Variants in KIF13A observed in about 807,000 individuals in gnomAD.
The protein encoded by KIF13A is kinesin family member 13A.
KIF13A carries 79 observed loss-of-function variants against 212.2 expected under a neutral mutation model. The ratio of observed to expected loss-of-function variants is 0.37; its 90% CI spans 0.31 to 0.45. The LOEUF (loss-of-function observed/expected upper bound fraction) is 0.45. Ranked by LOEUF, KIF13A falls within the 20% of genes least tolerant of loss-of-function variation. The pLI, the probability that KIF13A is intolerant of heterozygous loss-of-function variation, is 1.00. For missense variants in KIF13A, 1,901 were observed against 2,209.0 expected, an observed-to-expected ratio of 0.86 and a Z score of 2.79; for synonymous variants, 789 against 808.6, an observed-to-expected ratio of 0.98 and a Z score of 0.41.
rs374169032 is a variant in KIF13A at position 17,856,018 on chromosome 6, G to T, written c.313+12C>A. ...GATCCCCCACATCTGGTCTATAAAA[G>T]CAACTTCTTACCTGTCTGTCCATAT... On this transcript the variant is annotated intron_variant, in intron 5 of 38. Transcript: ENST00000259711. The surrounding 1 kb of genome is among the most constrained non-coding windows in gnomAD (Gnocchi z 4.5). The T allele has an allele frequency of 1.3e-6, 2 of 1,587,716 alleles. No individual in the cohort carries two copies. The highest frequency in any genetic ancestry group is 8.6e-7 in the Non-Finnish European group (1 of 1,157,340).
At chr6:17,859,634 ATATAT>A (rs201488921) in intron 4 of KIF13A, among the ~76,000 whole-genome samples, 67 of 103,672 alleles carry the variant, frequency 6.5e-4, no homozygotes, top group African/African-American at 2.7e-3. Flanking sequence ...ATATATATAT[ATATAT>A]TTTTTTTTTT....
Position 17,855,934 on chromosome 6 carries a change from C to T in KIF13A, c.313+96G>A. On this transcript the variant is annotated intron_variant, in intron 5 of 38. Transcript: ENST00000259711. The surrounding 1 kb of genome is among the most constrained non-coding windows in gnomAD (Gnocchi z 4.1). ...CTATGTTGCCCAGGCTGGTCTCAAA[C>T]TCCTGGGCTCAGGAGATCCTCCCAC... is the stretch of plus-strand genomic sequence containing the variant. 1 of 853,110 alleles carries T rather than the reference C, an allele frequency of 1.2e-6. No individual in the cohort carries two copies. The highest frequency in any genetic ancestry group is 1.9e-6 in the Non-Finnish European group (1 of 527,834). The allele number at this position is 853,110 out of a possible 1,614,324, so 52.8% of individuals were successfully genotyped here. A position where few individuals can be genotyped will look rare whatever the true frequency, so the allele number is the denominator to read the frequency against.
At chr6:17,869,038 T>C (rs1258967331) in intron 4 of KIF13A, among the ~76,000 whole-genome samples, 3 of 86,614 alleles carry the variant, frequency 3.5e-5, no homozygotes, top group Non-Finnish European at 7.7e-5. Context: ...AAATAAAATG[T>C]AAAATACCTC....
In KIF13A at chr6:17,967,331, T is replaced by A. The variant is rs1321849633; in HGVS notation, c.146+19723A>T. On this transcript the variant is annotated intron_variant, in intron 2 of 38. Coordinates refer to ENST00000259711, the MANE Select transcript of KIF13A (RefSeq NM_022113.6). This position sits in a 1 kb window ranked among gnomAD's most constrained non-coding sequence, Gnocchi z 4.1. The stretch of plus-strand genomic sequence containing the variant: ...CCAAGCACAGAAAAAGGAAAATGCA[T>A]CACAATGTTAAAAGAATGAGTAAAC... Among the ~76,000 whole-genome samples, 1 of 152,198 alleles carries A rather than the reference T, an allele frequency of 6.6e-6. No individual in the cohort carries two copies. Among genetic ancestry groups the A allele is most frequent in the East Asian group, 1.9e-4 (1 of 5,198 alleles).
At chr6:17,953,450 C>T (rs1778055074) in intron 2 of KIF13A, 1 of 152,096 alleles carries the variant, frequency 6.6e-6, no homozygotes, top group East Asian at 1.9e-4. Flanking sequence ...TCTTTAAAGC[C>T]CCAGATGTCA....
chr6:17,883,480 T>C lies in KIF13A; in HGVS notation c.160-10043A>G, dbSNP rs1264098079. 1.3e-5 allele frequency among the ~76,000 whole-genome samples: 2 copies of C among 152,200 alleles called. No homozygotes were observed. The highest frequency in any genetic ancestry group is 2.9e-5 in the Non-Finnish European group (2 of 68,034). The stretch of plus-strand genomic sequence containing the variant: ...AGCACAGATCAGTCAGTGTAAATCC[T>C]TCAGTGGCACAGCCAGGATAGCAGC... On this transcript the variant is annotated intron_variant, in intron 3 of 38. Transcript: ENST00000259711. This position sits in a 1 kb window ranked among gnomAD's most constrained non-coding sequence, Gnocchi z 4.8.
intron 17 of KIF13A, chr6:17,812,555 C>G (rs1194048149): frequency 1.4e-4 from 22 of 152,120 alleles, no homozygotes; most frequent in Admixed American, 1.4e-3. Context: ...TGTACATGTA[C>G]CACGTTTTCT....
At chr6:17,924,557 A>G (rs1189468460) in intron 2 of KIF13A, among the ~76,000 whole-genome samples, 2 of 152,240 alleles carry the variant, frequency 1.3e-5, no homozygotes, top group African/African-American at 2.4e-5. Flanking sequence ...AAATGTCTAT[A>G]AGCAAAAAAC....
chr6:17,803,306 T>C (rs1762636999), intron 20 of KIF13A, among the ~76,000 whole-genome samples: 1 of 152,070 alleles, frequency 6.6e-6, no homozygotes, highest in South Asian at 2.1e-4. Context: ...GGTTTCAGAC[T>C]CCTAACTGTG....
chr6:17,759,356 TTTTC>T (rs1758489728), downstream of KIF13A: 1 of 152,270 alleles, frequency 6.6e-6, no homozygotes, highest in South Asian at 2.1e-4. Flanking sequence ...AAATTACAGT[TTTTC>T]TTTTTTTAAC....
At chr6:17,762,780 G>A (rs776754080), downstream of KIF13A, among the ~76,000 whole-genome samples, 17 of 152,112 alleles carry the variant, frequency 1.1e-4, no homozygotes, top group Admixed American at 3.9e-4. Flanking sequence ...TTCTTATGTC[G>A]GGGAAGGAAG....
Position 17,800,182 on chromosome 6 carries a change from C to G in KIF13A, c.2455-69G>C, listed in dbSNP as rs926606800. On this transcript the variant is annotated intron_variant, in intron 20 of 38. Coordinates refer to ENST00000259711, the MANE Select transcript of KIF13A (RefSeq NM_022113.6). ...GTGGGCAACCTCGACCCAAGACAGA[C>G]GTGCCTTCTACAGTGAACCTGGAGA... 4.7e-6 allele frequency: 7 copies of G among 1,474,064 alleles called. 1 individual carries two copies. The South Asian group carries it at 8.9e-5, about 19-fold the overall frequency. 91.3% of individuals were successfully genotyped at this position (1,474,064 alleles called of 1,614,324 possible).
intron 20 of KIF13A, among the ~76,000 whole-genome samples, chr6:17,801,433 C>T (rs1396633227): frequency 6.6e-6 from 1 of 152,082 alleles, no homozygotes; most frequent in Non-Finnish European, 1.5e-5. Flanking sequence ...ACCCGCGAGG[C>T]GGAGGTTGCA....
chr6:17,987,476 C>G lies in KIF13A; in HGVS notation c.-13G>C. On this transcript the variant is annotated 5_prime_UTR_variant, in exon 1 of 39. Transcript: ENST00000259711. The surrounding 1 kb of genome is among the most constrained non-coding windows in gnomAD (Gnocchi z 7.7). The stretch of plus-strand genomic sequence containing the variant: ...TGGTATCCGACATGTTGGCTGCGCT[C>G]GCCCGGCCGCTCGCCGCGCCCGCTC... 1 of 1,257,024 alleles carries G rather than the reference C, an allele frequency of 8.0e-7. No individual in the cohort carries two copies. Among genetic ancestry groups the G allele is most frequent in the Non-Finnish European group, 1.0e-6 (1 of 961,100 alleles). The allele number at this position is 1,257,024 out of a possible 1,614,324, so 77.9% of individuals were successfully genotyped here.
In KIF13A at chr6:17,843,813, G is replaced by A. The variant is rs1368804905; in HGVS notation, c.830+5564C>T. Reference sequence around the variant, plus strand: ...GTAATCCACCACTTTTGGAGGCCGAGGGGGGCACATCACCTGAGGTCAGGA... The same window carrying A: ...GTAATCCACCACTTTTGGAGGCCGAAGGGGGCACATCACCTGAGGTCAGGA... On this transcript the variant is annotated intron_variant, in intron 9 of 38. Coordinates refer to ENST00000259711, the MANE Select transcript of KIF13A (RefSeq NM_022113.6). The surrounding 1 kb of genome is among the most constrained non-coding windows in gnomAD (Gnocchi z 5.3). Among the ~76,000 whole-genome samples the A allele has an allele frequency of 6.6e-6, 1 of 152,158 alleles. No individual in the cohort carries two copies. The highest frequency in any genetic ancestry group is 1.5e-5 in the Non-Finnish European group (1 of 68,030).
chr6:17,849,876 T>C lies in KIF13A; in HGVS notation c.718-387A>G, dbSNP rs939836031. Among the ~76,000 whole-genome samples the C allele has an allele frequency of 5.3e-5, 8 of 152,240 alleles. No individual in the cohort carries two copies. Among genetic ancestry groups the C allele is most frequent in the Non-Finnish European group, 7.3e-5 (5 of 68,038 alleles). On this transcript the variant is annotated intron_variant, in intron 8 of 38. Transcript: ENST00000259711. This position sits in a 1 kb window ranked among gnomAD's most constrained non-coding sequence, Gnocchi z 5.7. ...TGGTGTCCTCTTTAATATCCCTCAA[T>C]GGCTATGAAGCTGACATGTTTCCAT... is the stretch of plus-strand genomic sequence containing the variant.
chr6:17,768,961 C>T lies in KIF13A; in HGVS notation c.4581+2153G>A, dbSNP rs1257108634. Among the ~76,000 whole-genome samples the T allele has an allele frequency of 1.3e-5, 2 of 150,108 alleles. No homozygotes were observed. Among genetic ancestry groups the T allele is most frequent in the Non-Finnish European group, 3.0e-5 (2 of 66,684 alleles). On this transcript the variant is annotated intron_variant, in intron 38 of 38. Coordinates refer to ENST00000259711, the MANE Select transcript of KIF13A (RefSeq NM_022113.6). The surrounding 1 kb of genome is among the most constrained non-coding windows in gnomAD (Gnocchi z 5.4). ...ACAAAATATTGCTTAAAGAATCAAG[C>T]ATAGCCATGTTTACTATATTTTATG... is the stretch of plus-strand genomic sequence containing the variant.
chr6:17,976,622 G>A (rs2150627959), intron 2 of KIF13A, among the ~76,000 whole-genome samples: 1 of 152,294 alleles, frequency 6.6e-6, no homozygotes, highest in South Asian at 2.1e-4. Flanking sequence ...GGCTAGCCCA[G>A]AAAGGGGATC....
At chr6:17,927,928 G>C (rs560136079) in intron 2 of KIF13A, among the ~76,000 whole-genome samples, 14 of 152,358 alleles carry the variant, frequency 9.2e-5, no homozygotes, top group South Asian at 4.1e-4. Flanking sequence ...CCAGCAGACA[G>C]CAACAACACC....
Sources: gnomAD v4.1 joint callset for allele counts (sites outside exome capture counted in the v4.1 genomes callset) on GRCh38, gnomAD v4.1.1 for gene constraint, Gnocchi (gnomAD v3.1) non-coding constraint, MANE v1.5 for transcripts, NCBI Gene and HGNC (gene_info 2026-07-23, HGNC 2026-07-21) for gene names.